ENPP1: variants seen among roughly 807,000 people sequenced by gnomAD.
The protein encoded by ENPP1 is ectonucleotide pyrophosphatase/phosphodiesterase 1.
Under a neutral mutation model 122.8 loss-of-function variants are expected in ENPP1, and 73 were observed. The observed-to-expected ratio is 0.59, with a 90% CI of 0.49 to 0.72. The LOEUF is 0.72. Among genes scored for constraint, ENPP1 ranks in the 30% least tolerant of loss-of-function variants. The probability of loss-of-function intolerance (pLI) is 0.00; values close to 1 mark genes in which losing one functional copy is unlikely to be tolerated. For synonymous variants in ENPP1, 367 were observed against 391.6 expected, an observed-to-expected ratio of 0.94 and a Z score of 0.74; for missense variants, 978 against 1,128.1, an observed-to-expected ratio of 0.87 and a Z score of 1.91.
chr6:131,864,433 C>G, intron 9 of ENPP1, 73 bp from the exon 10 acceptor site: 1 of 974,174 alleles, frequency 1.0e-6, no homozygotes, highest in South Asian at 1.4e-5. Flanking sequence ...ATGACATTTT[C>G]AATGAAAAAA....
intron 1 of ENPP1, among the ~76,000 whole-genome samples, chr6:131,846,750 AG>A (rs1781816044): frequency 6.6e-6 from 1 of 152,170 alleles, no homozygotes; most frequent in Non-Finnish European, 1.5e-5. Flanking sequence ...TATTTTATTG[AG>A]GTGCCCTGTA....
chr6:131,816,748 G>A (rs1281837064), intron 1 of ENPP1, among the ~76,000 whole-genome samples: 2 of 152,278 alleles, frequency 1.3e-5, no homozygotes, highest in South Asian at 2.1e-4. Flanking sequence ...AGTGTAGGTG[G>A]TAGAAGTTTA....
chr6:131,850,110 A>C lies in ENPP1; in HGVS notation c.430+4A>C. On this transcript the variant is annotated splice_donor_region_variant and intron_variant, in intron 3 of 24. Coordinates refer to ENST00000647893, the MANE Select transcript of ENPP1 (RefSeq NM_006208.3). ...CAGGAGACGTGCATAGAACCAGGTA[A>C]GGATGAGCAGGGAAAAAAGTGGAGT... is the stretch of plus-strand genomic sequence containing the variant. 6.4e-7 allele frequency: 1 copy of C among 1,570,536 alleles called. No homozygotes were observed. Among genetic ancestry groups the C allele is most frequent in the Non-Finnish European group, 8.8e-7 (1 of 1,140,138 alleles).
chr6:131,850,138 T>C (rs1410567214), intron 3 of ENPP1, 32 bp downstream of exon 3: 1 of 1,357,728 alleles, frequency 7.4e-7, no homozygotes, highest in South Asian at 1.2e-5. Flanking sequence ...AGTGGAGTTA[T>C]GGTCATTAGG....
At chr6:131,820,804 T>C (rs1162509510) in intron 1 of ENPP1, among the ~76,000 whole-genome samples, 2 of 152,104 alleles carry the variant, frequency 1.3e-5, no homozygotes, top group Admixed American at 1.3e-4. Flanking sequence ...AGTTTATTGG[T>C]GAATAGTTTT....
chr6:131,824,442 T>TTTGTTG (rs140923936), intron 1 of ENPP1, among the ~76,000 whole-genome samples: 24 of 132,542 alleles, frequency 1.8e-4, no homozygotes, highest in Admixed American at 3.7e-4. Context: ...CCAGGCAGGA[T>TTTGTTG]TTGTTGTTGT....
At chr6:131,812,551 G>T (rs948730766) in intron 1 of ENPP1, among the ~76,000 whole-genome samples, 5 of 152,166 alleles carry the variant, frequency 3.3e-5, no homozygotes, top group African/African-American at 1.2e-4. Flanking sequence ...ATAAGGCCTT[G>T]ACAATAGTGA....
rs546697391 is a variant in ENPP1 at position 131,892,355 on chromosome 6, C to T, written c.*1844C>T. 6.6e-6 allele frequency: 1 copy of T among 152,262 alleles called. No individual in the cohort carries two copies. The highest frequency in any genetic ancestry group is 1.9e-4 in the East Asian group (1 of 5,188). The allele number at this position is 152,262 out of a possible 1,614,324, so 9.4% of individuals were successfully genotyped here. ...CCAGGTGTGGCTAGGAGTCCAGGTT[C>T]CCCAGTCAGCCTCCCTTTATACTGA... On this transcript the variant is annotated 3_prime_UTR_variant, in exon 25 of 25. Coordinates refer to ENST00000647893, the MANE Select transcript of ENPP1 (RefSeq NM_006208.3).
chr6:131,872,894 T>C (rs1384797383), intron 14 of ENPP1, 29 bp from the exon 15 acceptor site: 1 of 1,611,718 alleles, frequency 6.2e-7, no homozygotes, highest in Non-Finnish European at 8.5e-7. Flanking sequence ...AGGGAAATAA[T>C]AGTTTTTCTT....
intron 1 of ENPP1, among the ~76,000 whole-genome samples, chr6:131,833,957 C>T (rs1414397390): frequency 2.6e-5 from 4 of 152,148 alleles, no homozygotes; most frequent in Non-Finnish European, 4.4e-5. Flanking sequence ...ACCCTTTAGC[C>T]TTTTAAAGAG....
At chr6:131,885,280 C>T (rs1435717889) in intron 23 of ENPP1, among the ~76,000 whole-genome samples, 2 of 152,142 alleles carry the variant, frequency 1.3e-5, no homozygotes, top group Admixed American at 6.5e-5. Flanking sequence ...AGTAGTGTTT[C>T]TCACCCATTC....
intron 1 of ENPP1, among the ~76,000 whole-genome samples, chr6:131,839,354 C>G (rs571136847): frequency 6.6e-6 from 1 of 152,022 alleles, no homozygotes; most frequent in East Asian, 1.9e-4. Context: ...AGGCTTACCT[C>G]CAATGACTGG....
In ENPP1 at chr6:131,892,163, C is replaced by T. The variant is rs981885130; in HGVS notation, c.*1652C>T. On this transcript the variant is annotated 3_prime_UTR_variant, in exon 25 of 25. Transcript: ENST00000647893. Reference sequence around the variant, plus strand: ...ATCTACTGATGGTCTTTTTTCCATTCGGAAACATTTTCCTGTTTCTTGGTG... The same window carrying T: ...ATCTACTGATGGTCTTTTTTCCATTTGGAAACATTTTCCTGTTTCTTGGTG... The T allele has an allele frequency of 1.2e-4, 18 of 151,898 alleles. No homozygotes were observed. Among genetic ancestry groups the T allele is most frequent in the Non-Finnish European group, 2.1e-4 (14 of 67,966 alleles). The allele number at this position is 151,898 out of a possible 1,614,324, so 9.4% of individuals were successfully genotyped here.
intron 5 of ENPP1, among the ~76,000 whole-genome samples, chr6:131,852,733 G>A (rs1030895076): frequency 6.6e-6 from 1 of 152,008 alleles, no homozygotes. Flanking sequence ...TTTTCAGGAA[G>A]GAAGGATCTT....
chr6:131,879,848 T>TA lies in ENPP1; in HGVS notation c.1946-30dup, dbSNP rs751704936. The TA allele has an allele frequency of 5.5e-5, 87 of 1,593,096 alleles. No individual in the cohort carries two copies. In the African/African-American group the frequency reaches 1.1e-3, roughly 19 times the overall value. On this transcript the variant is annotated intron_variant, in intron 19 of 24. Coordinates refer to ENST00000647893, the MANE Select transcript of ENPP1 (RefSeq NM_006208.3). ...CTATATATTATCATATAATGCACACTAACTACATTTATTTTCATCCTGTGA... is the reference window on the plus strand; with the variant it reads ...CTATATATTATCATATAATGCACACTAAACTACATTTATTTTCATCCTGTGA...
intron 1 of ENPP1, among the ~76,000 whole-genome samples, chr6:131,840,811 A>G (rs899258340): frequency 6.6e-6 from 1 of 152,218 alleles, no homozygotes; most frequent in African/African-American, 2.4e-5. Flanking sequence ...TCAATGCTGA[A>G]TAATGAATTG....
chr6:131,808,556 C>T (rs1424615600), intron 1 of ENPP1, among the ~76,000 whole-genome samples: 1 of 152,206 alleles, frequency 6.6e-6, no homozygotes, highest in Non-Finnish European at 1.5e-5. Context: ...AAATACTCGA[C>T]CCCCTGCCCC....
intron 1 of ENPP1, among the ~76,000 whole-genome samples, chr6:131,817,109 A>G (rs1158974641): frequency 6.6e-6 from 1 of 152,214 alleles, no homozygotes; most frequent in Non-Finnish European, 1.5e-5. Flanking sequence ...TCTAGCAACA[A>G]TGGGCTAAAT....
In ENPP1 at chr6:131,877,029, T is replaced by C. The variant is rs1212783621; in HGVS notation, c.1761T>C (p.Thr587=). The C allele has an allele frequency of 6.2e-7, 1 of 1,614,138 alleles. No homozygotes were observed. Among genetic ancestry groups the C allele is most frequent in the South Asian group, 1.1e-5 (1 of 91,080 alleles). The change falls in exon 18 of 25, where the codon ACT becomes ACC. Residue 587 remains threonine (T), a synonymous_variant. Transcript: ENST00000647893. Reference sequence around the variant, plus strand: ...TGACACCGGCTCCTAATAACGGAACTCATGGAAGTCTTAACCACCTTCTAA... The same window carrying C: ...TGACACCGGCTCCTAATAACGGAACCCATGGAAGTCTTAACCACCTTCTAA... ...LNLTPAPNNG[T]HGSLNHLLKN... is the part of the protein sequence containing the mutation.
Sources: gnomAD v4.1 joint callset for allele counts (sites outside exome capture counted in the v4.1 genomes callset) on GRCh38, gnomAD v4.1.1 for gene constraint, MANE v1.5 for transcripts, NCBI Gene and HGNC (gene_info 2026-07-23, HGNC 2026-07-21) for gene names.